PLXDC1: variants seen among roughly 807,000 people sequenced by gnomAD.
PLXDC1 encodes the protein plexin domain-containing protein 1.
In PLXDC1, 39 loss-of-function variants were observed where a neutral mutation model predicts 61.3. The observed-to-expected ratio is 0.64, with a 90% CI of 0.49 to 0.83. The LOEUF (loss-of-function observed/expected upper bound fraction) is 0.83. Ranked by LOEUF, PLXDC1 falls within the 40% of genes least tolerant of loss-of-function variation. The pLI is 0.00. For missense variants in PLXDC1, 596 were observed against 666.5 expected, an observed-to-expected ratio of 0.89 and a Z score of 1.17; for synonymous variants, 212 against 254.5, an observed-to-expected ratio of 0.83 and a Z score of 1.59.
At chr17:39,105,819 C>G (rs1291385818) in intron 7 of PLXDC1, 35 bp downstream of exon 7, 8 of 1,381,972 alleles carry the variant, frequency 5.8e-6, no homozygotes, top group Admixed American at 1.7e-5. Context: ...AGTCCTACCC[C>G]CATCAAGGCC....
rs1001511005 is a variant in PLXDC1 at position 39,151,577 on chromosome 17, G to T, written c.-140C>A. On this transcript the variant is annotated 5_prime_UTR_variant, in exon 1 of 14. Transcript: ENST00000315392. The surrounding 1 kb of genome is among the most constrained non-coding windows in gnomAD (Gnocchi z 5.2). ...CGAGGAGACGGCGGAGCGCGGGGCC[G>T]GGCGAGCCGGCAGGAGCGGCGAGAG... 2 of 1,183,084 alleles carry T rather than the reference G, an allele frequency of 1.7e-6. No individual in the cohort carries two copies. Among genetic ancestry groups the T allele is most frequent in the Admixed American group, 9.1e-5 (2 of 21,994 alleles). 73.3% of individuals were successfully genotyped at this position (1,183,084 alleles called of 1,614,324 possible). A position where few individuals can be genotyped will look rare whatever the true frequency, so the allele number is the denominator to read the frequency against.
chr17:39,131,286 G>C (rs60787373), intron 2 of PLXDC1, among the ~76,000 whole-genome samples: 1 of 151,922 alleles, frequency 6.6e-6, no homozygotes, highest in Non-Finnish European at 1.5e-5. Context: ...CACTGGAGAC[G>C]ACATCTGCAC....
At chr17:39,122,723 C>T (rs540633092) in intron 2 of PLXDC1, among the ~76,000 whole-genome samples, 1 of 152,228 alleles carries the variant, frequency 6.6e-6, no homozygotes, top group Admixed American at 6.5e-5. Context: ...GAGGGTTACA[C>T]GAGCCACGCC....
chr17:39,093,989 C>A (rs890577962), intron 7 of PLXDC1, among the ~76,000 whole-genome samples: 1 of 152,180 alleles, frequency 6.6e-6, no homozygotes, highest in African/African-American at 2.4e-5. Flanking sequence ...TGCACATGAG[C>A]ACATACTCAT....
intron 12 of PLXDC1, 82 bp from the exon 13 acceptor site, chr17:39,070,098 TCTCA>T: frequency 9.4e-7 from 1 of 1,068,658 alleles, no homozygotes; most frequent in Non-Finnish European, 1.4e-6. Context: ...TCTAACAAAG[TCTCA>T]GAGATGAAAG....
chr17:39,063,438 G>T lies in PLXDC1; in HGVS notation c.*4402C>A, dbSNP rs1247071302. The T allele has an allele frequency of 1.4e-6, 1 of 702,592 alleles. No homozygotes were observed. Among genetic ancestry groups the T allele is most frequent in the South Asian group, 1.5e-5 (1 of 67,506 alleles). The allele number at this position is 702,592 out of a possible 1,614,324, so 43.5% of individuals were successfully genotyped here. On this transcript the variant is annotated 3_prime_UTR_variant, in exon 14 of 14. Transcript: ENST00000315392. ...TCTTTTTAGGCTGTTTCTCTTGGAG[G>T]TGGTGCAGGAGGTTGAGGAAAGCAC...
rs753526903 is a variant in PLXDC1, at chr17:39,079,181, A to C, written c.990-17T>G. On this transcript the variant is annotated splice_polypyrimidine_tract_variant and intron_variant, in intron 9 of 13. Transcript: ENST00000315392. ...CTGGAGCATCTGCAGGAGGACCAAA[A>C]GGACAGAGTTATGATGGGATTGACA... 2.7e-5 allele frequency: 44 copies of C among 1,609,116 alleles called. No individual in the cohort carries two copies. Among genetic ancestry groups the C allele is most frequent in the Middle Eastern group, 1.6e-4 (1 of 6,064 alleles).
intron 1 of PLXDC1, among the ~76,000 whole-genome samples, chr17:39,147,323 T>C (rs2045348857): frequency 6.6e-6 from 1 of 152,170 alleles, no homozygotes; most frequent in Non-Finnish European, 1.5e-5. Context: ...CAATTAACAA[T>C]TCCCACACGT....
At chr17:39,121,906 G>A (rs1461548178) in intron 2 of PLXDC1, among the ~76,000 whole-genome samples, 2 of 151,996 alleles carry the variant, frequency 1.3e-5, no homozygotes, top group Non-Finnish European at 2.9e-5. Context: ...AGACCAGCCT[G>A]GCCAACATGG....
intron 2 of PLXDC1, among the ~76,000 whole-genome samples, chr17:39,122,375 T>C (rs945069518): frequency 3.2e-5 from 3 of 92,798 alleles, no homozygotes; most frequent in African/African-American, 4.2e-5. Context: ...CGAGACTCTG[T>C]CTCAAAAAAA....
rs1015505201 is a variant in PLXDC1 at position 39,066,121 on chromosome 17, A to G, written c.*1719T>C. On this transcript the variant is annotated 3_prime_UTR_variant, in exon 14 of 14. Coordinates refer to ENST00000315392, the MANE Select transcript of PLXDC1 (RefSeq NM_020405.5). ...GCCACCCGACTTGTCTTTAATGCCT[A>G]TAAAATCCAGTTCAGAGGAGGAAAA... The G allele has an allele frequency of 6.6e-6, 1 of 152,286 alleles. No homozygotes were observed. The highest frequency in any genetic ancestry group is 1.5e-5 in the Non-Finnish European group (1 of 68,086). The allele number at this position is 152,286 out of a possible 1,614,324, so 9.4% of individuals were successfully genotyped here.
chr17:39,129,297 G>A lies in PLXDC1; in HGVS notation c.255+10357C>T, dbSNP rs534331586. Among the ~76,000 whole-genome samples, 18 of 140,760 alleles carry A rather than the reference G, an allele frequency of 1.3e-4. No individual in the cohort carries two copies. In the East Asian group the frequency reaches 3.4e-3, roughly 26 times the overall value. 92.3% of individuals were successfully genotyped at this position (140,760 alleles called of 152,430 possible). A position where few individuals can be genotyped will look rare whatever the true frequency, so the allele number is the denominator to read the frequency against. On this transcript the variant is annotated intron_variant, in intron 2 of 13. Coordinates refer to ENST00000315392, the MANE Select transcript of PLXDC1 (RefSeq NM_020405.5). ...CATGCCATTGCACTCCAGCCTGGGC[G>A]ACAGAGCGAGACTCTGTCTCAAAAA... is the stretch of plus-strand genomic sequence containing the variant.
At chr17:39,115,607 G>A (rs986153649) in intron 2 of PLXDC1, among the ~76,000 whole-genome samples, 1 of 152,212 alleles carries the variant, frequency 6.6e-6, no homozygotes, top group Non-Finnish European at 1.5e-5. Flanking sequence ...TGGAGGGAGG[G>A]GGCGACTTGC....
upstream of PLXDC1, chr17:39,152,375 G>C: frequency 1.9e-6 from 1 of 531,346 alleles, no homozygotes; most frequent in East Asian, 3.6e-5. Context: ...AGCCCCAGAC[G>C]AGGAAATGGC....
At chr17:39,119,325 C>T (rs1242622024) in intron 2 of PLXDC1, among the ~76,000 whole-genome samples, 1 of 152,100 alleles carries the variant, frequency 6.6e-6, no homozygotes, top group Non-Finnish European at 1.5e-5. Flanking sequence ...AATGAGCCCA[C>T]CACAAAGCAA....
intron 2 of PLXDC1, among the ~76,000 whole-genome samples, chr17:39,120,360 C>T (rs185639852): frequency 5.5e-4 from 84 of 152,162 alleles, no homozygotes; most frequent in African/African-American, 1.9e-3. Context: ...GTGATCCACC[C>T]TCCTCGGGCT....
intron 11 of PLXDC1, among the ~76,000 whole-genome samples, chr17:39,076,024 G>T (rs1909314366): frequency 6.7e-6 from 1 of 148,758 alleles, no homozygotes; most frequent in South Asian, 2.1e-4. Context: ...GTTGCAGTGA[G>T]CTGGGATTGT....
intron 7 of PLXDC1, among the ~76,000 whole-genome samples, chr17:39,093,351 C>T (rs1292999724): frequency 3.3e-5 from 5 of 152,136 alleles, no homozygotes; most frequent in Admixed American, 6.5e-5. Flanking sequence ...GGGTTACAGG[C>T]GCGAGCCACT....
rs1009096831 is a variant in PLXDC1 at position 39,069,855 on chromosome 17, C to A, written c.1383+1G>T. On this transcript the variant is annotated splice_donor_variant, in intron 13 of 13. Transcript: ENST00000315392. LOFTEE classifies it high-confidence loss of function. ...GCCCTGTGGCCACAGATGACACGGA[C>A]CTCGATGAAGAAGAGCGCAGCATTG... The A allele has an allele frequency of 6.2e-7, 1 of 1,613,092 alleles. No homozygotes were observed. The highest frequency in any genetic ancestry group is 1.3e-5 in the African/African-American group (1 of 74,900).
Sources: allele counts gnomAD v4.1 joint callset (sites outside exome capture counted in the v4.1 genomes callset), GRCh38; gene constraint gnomAD v4.1.1; non-coding constraint Gnocchi (gnomAD v3.1); transcripts MANE v1.5; gene names NCBI Gene and HGNC (gene_info 2026-07-23, HGNC 2026-07-21).